Variants in BMP5 observed in about 807,000 individuals in gnomAD.
BMP5 encodes bone morphogenetic protein 5.
A neutral mutation model predicts 46.6 loss-of-function variants in BMP5; 23 were observed. The ratio of observed to expected loss-of-function variants is 0.49; its 90% CI spans 0.35 to 0.70. BMP5 has a LOEUF of 0.70. BMP5 is among the 30% of genes least tolerant of loss of function. The probability of loss-of-function intolerance (pLI) is 0.00; values close to 1 mark genes in which losing one functional copy is unlikely to be tolerated. For missense variants in BMP5, 545 were observed against 565.6 expected (o/e 0.96, Z 0.37); for synonymous variants, 204 against 191.9 (o/e 1.06, Z -0.52).
At chr6:55,781,925 A>G (rs949973268) in intron 3 of BMP5, among the ~76,000 whole-genome samples, 6 of 152,156 alleles carry the variant, frequency 3.9e-5, no homozygotes, top group Middle Eastern at 3.4e-3. Flanking sequence ...TTGTACATGA[A>G]CCTATCAAAT....
chr6:55,759,171 A>AAAAAAAAAAAAC, intron 5 of BMP5, 56 bp from the exon 6 acceptor site: 1 of 829,906 alleles, frequency 1.2e-6, no homozygotes, highest in Non-Finnish European at 1.8e-6. Flanking sequence ...AAAAAAAAAA[A>AAAAAAAAAAAAC]AAAAAAAAAA....
intron 3 of BMP5, among the ~76,000 whole-genome samples, chr6:55,775,087 C>A (rs974826566): frequency 4.0e-5 from 6 of 151,762 alleles, no homozygotes; most frequent in Non-Finnish European, 5.9e-5. Flanking sequence ...TGTCTCAGAC[C>A]CTTATGTGTT....
chr6:55,763,832 C>A (rs183856555), intron 4 of BMP5, among the ~76,000 whole-genome samples: 1 of 152,056 alleles, frequency 6.6e-6, no homozygotes, highest in Non-Finnish European at 1.5e-5. Flanking sequence ...TTGCTAAATA[C>A]TTTATGCAAA....
chr6:55,819,771 A>G lies in BMP5; in HGVS notation c.567T>C (p.His189=), dbSNP rs765202022. ...ATTCAGCTGCTGTCACTGCCTCTCC[A>G]TGAGGAATTTGGGTAAGATCAAATC... ...EFRFDLTQIP[H]GEAVTAAEFR... is the part of the protein sequence containing the mutation. Residue 189 remains histidine, a synonymous_variant, in exon 2 of 7, where the codon CAT becomes CAC. Coordinates refer to ENST00000370830, the MANE Select transcript of BMP5 (RefSeq NM_021073.4). The G allele has an allele frequency of 1.2e-5, 20 of 1,613,588 alleles. No individual in the cohort carries two copies. Among genetic ancestry groups the G allele is most frequent in the Admixed American group, 1.7e-5 (1 of 59,908 alleles).
chr6:55,823,617 C>T (rs1277281578), intron 1 of BMP5, among the ~76,000 whole-genome samples: 1 of 151,962 alleles, frequency 6.6e-6, no homozygotes, highest in Non-Finnish European at 1.5e-5. Context: ...ATTAACACAG[C>T]CGGAGTGTGT....
intron 1 of BMP5, among the ~76,000 whole-genome samples, chr6:55,865,161 C>T (rs2127554824): frequency 6.6e-6 from 1 of 152,140 alleles, no homozygotes; most frequent in South Asian, 2.1e-4. Flanking sequence ...GAATCAACTT[C>T]TTAAAAATTA....
intron 1 of BMP5, among the ~76,000 whole-genome samples, chr6:55,842,018 G>A (rs1479832109): frequency 6.6e-6 from 1 of 152,012 alleles, no homozygotes; most frequent in Non-Finnish European, 1.5e-5. Flanking sequence ...TCATCTTGCA[G>A]TAGATTTCTA....
chr6:55,864,745 AT>A (rs1261099321), intron 1 of BMP5, among the ~76,000 whole-genome samples: 2 of 152,168 alleles, frequency 1.3e-5, no homozygotes, highest in African/African-American at 4.8e-5. Context: ...CAATGTGATG[AT>A]TTTACAATGT....
At chr6:55,784,563 T>C (rs1775402211) in intron 3 of BMP5, among the ~76,000 whole-genome samples, 1 of 151,792 alleles carries the variant, frequency 6.6e-6, no homozygotes, top group South Asian at 2.1e-4. Flanking sequence ...AAGTGAATCA[T>C]CAGCAGATGA....
intron 2 of BMP5, among the ~76,000 whole-genome samples, chr6:55,794,685 A>G (rs560805795): frequency 1.3e-5 from 2 of 152,124 alleles, no homozygotes; most frequent in Non-Finnish European, 2.9e-5. Context: ...GCCTTTATAA[A>G]CTGACTTAGT....
chr6:55,804,097 C>T (rs1380894213), intron 2 of BMP5, among the ~76,000 whole-genome samples: 1 of 152,196 alleles, frequency 6.6e-6, no homozygotes, highest in East Asian at 1.9e-4. Flanking sequence ...AGCTTACTCC[C>T]TGTTATGGGT....
At chr6:55,781,324 A>T (rs925948764) in intron 3 of BMP5, among the ~76,000 whole-genome samples, 10 of 152,134 alleles carry the variant, frequency 6.6e-5, no homozygotes, top group African/African-American at 2.4e-4. Context: ...AAATGAAAGA[A>T]TCTTTTCCTT....
chr6:55,775,479 A>G (rs1775153156), intron 3 of BMP5, among the ~76,000 whole-genome samples: 1 of 151,948 alleles, frequency 6.6e-6, no homozygotes, highest in Non-Finnish European at 1.5e-5. Context: ...TTAACCTTAA[A>G]TTGTAAATTT....
chr6:55,871,328 G>T (rs1454203646), intron 1 of BMP5, among the ~76,000 whole-genome samples: 1 of 151,828 alleles, frequency 6.6e-6, no homozygotes, highest in Admixed American at 6.6e-5. Context: ...AAAAAGCAAA[G>T]AATTCAATCT....
At chr6:55,811,879 C>T (rs539358970) in intron 2 of BMP5, among the ~76,000 whole-genome samples, 9 of 152,170 alleles carry the variant, frequency 5.9e-5, no homozygotes, top group Admixed American at 3.3e-4. Context: ...ACACTTAGTG[C>T]ATATTTACAT....
intron 1 of BMP5, among the ~76,000 whole-genome samples, chr6:55,831,094 G>A (rs545330576): frequency 7.9e-5 from 12 of 152,110 alleles, no homozygotes; most frequent in South Asian, 2.1e-4. Context: ...CTAAATTCCC[G>A]GCTTCTTTCC....
At chr6:55,782,518 T>C (rs971956757) in intron 3 of BMP5, among the ~76,000 whole-genome samples, 3 of 152,152 alleles carry the variant, frequency 2.0e-5, no homozygotes, top group African/African-American at 7.2e-5. Context: ...CCTGAACCAT[T>C]TGCATGCAAA....
At chr6:55,776,116 T>C (rs574824210) in intron 3 of BMP5, among the ~76,000 whole-genome samples, 2 of 152,132 alleles carry the variant, frequency 1.3e-5, no homozygotes, top group East Asian at 3.9e-4. Context: ...AATAAGCATA[T>C]AGATTTCTCT....
intron 1 of BMP5, among the ~76,000 whole-genome samples, chr6:55,840,950 C>T (rs148701409): frequency 6.5e-5 from 8 of 122,796 alleles, no homozygotes; most frequent in South Asian, 2.5e-4. Flanking sequence ...GGAACCAGGC[C>T]GCACAGCAGG....
Sources: gnomAD v4.1 joint callset for allele counts (sites outside exome capture counted in the v4.1 genomes callset) on GRCh38, gnomAD v4.1.1 for gene constraint, MANE v1.5 for transcripts, NCBI Gene and HGNC (gene_info 2026-07-23, HGNC 2026-07-21) for gene names.